CAMTA1: variants seen among roughly 807,000 people sequenced by gnomAD.
The protein encoded by CAMTA1 is calmodulin-binding transcription activator 1.
In CAMTA1, 27 loss-of-function variants were observed where a neutral mutation model predicts 170.9. The ratio of observed to expected loss-of-function variants is 0.16; its 90% CI spans 0.12 to 0.22. The LOEUF (loss-of-function observed/expected upper bound fraction) is 0.22. Among genes scored for constraint, CAMTA1 ranks in the 10% least tolerant of loss-of-function variants. The pLI is 1.00. For synonymous variants in CAMTA1, 833 were observed against 891.5 expected (o/e 0.93, Z 1.17); for missense variants, 1,619 against 2,217.2 (o/e 0.73, Z 5.42).
intron 6 of CAMTA1, among the ~76,000 whole-genome samples, chr1:7,557,995 G>A (rs972621802): frequency 2.6e-5 from 4 of 152,166 alleles, no homozygotes; most frequent in Non-Finnish European, 5.9e-5. Context: ...TGGGGCTTCC[G>A]GCTCTGGGCT....
At chr1:7,616,969 G>A (rs2095563021) in intron 6 of CAMTA1, among the ~76,000 whole-genome samples, 1 of 152,236 alleles carries the variant, frequency 6.6e-6, no homozygotes, top group Admixed American at 6.5e-5. Context: ...TCTTGCCAGT[G>A]CACAGGTGTC....
chr1:7,755,690 C>A (rs1415881837), intron 22 of CAMTA1, 22 bp downstream of exon 22: 1 of 1,611,612 alleles, frequency 6.2e-7, no homozygotes. Context: ...TGCCTGCTAG[C>A]CAGTTTCTCT....
At chr1:6,786,456 C>T (rs1485994868) in intron 1 of CAMTA1, among the ~76,000 whole-genome samples, 1 of 152,136 alleles carries the variant, frequency 6.6e-6, no homozygotes, top group African/African-American at 2.4e-5. Context: ...ATCTGCTCAT[C>T]TTCTTTGGAT....
chr1:7,672,020 C>T lies in CAMTA1; in HGVS notation c.2779+983C>T, dbSNP rs181941207. ...TCTTCTGCTCCTGGGCTGTTGCTGG[C>T]AGGACTCCCTTGGCTGCCCCATCTC... On this transcript the variant is annotated intron_variant, in intron 10 of 22. Coordinates refer to ENST00000303635, the MANE Select transcript of CAMTA1 (RefSeq NM_015215.4). The T allele has an allele frequency of 5.5e-4, 250 of 456,206 alleles. 3 individuals carry two copies. In the East Asian group the frequency reaches 9.0e-3, roughly 16 times the overall value. The allele number at this position is 456,206 out of a possible 1,614,324, so 28.3% of individuals were successfully genotyped here.
At chr1:6,904,873 G>T (rs574080114) in intron 3 of CAMTA1, among the ~76,000 whole-genome samples, 3 of 151,260 alleles carry the variant, frequency 2.0e-5, no homozygotes, top group Admixed American at 6.6e-5. Flanking sequence ...GATTACAGGC[G>T]TGAGCCGCCA....
Position 7,065,939 on chromosome 1 carries a change from C to T in CAMTA1, c.235-25365C>T, listed in dbSNP as rs895536062. On this transcript the variant is annotated intron_variant, in intron 3 of 22. Transcript: ENST00000303635. This position sits in a 1 kb window ranked among gnomAD's most constrained non-coding sequence, Gnocchi z 5.2. ...GGCTTAAACTTGACTGTGCCATTGGCGCTTGCTGGCAGCAGCTGAGCCTCA... is the reference window on the plus strand; with the variant it reads ...GGCTTAAACTTGACTGTGCCATTGGTGCTTGCTGGCAGCAGCTGAGCCTCA... Among the ~76,000 whole-genome samples the T allele has an allele frequency of 2.0e-5, 3 of 152,056 alleles. No individual in the cohort carries two copies. Among genetic ancestry groups the T allele is most frequent in the South Asian group, 4.2e-4 (2 of 4,814 alleles).
rs559833984 is a variant in CAMTA1, at chr1:7,588,576, C to T, written c.511-51824C>T. On this transcript the variant is annotated intron_variant, in intron 6 of 22. Transcript: ENST00000303635. This position sits in a 1 kb window ranked among gnomAD's most constrained non-coding sequence, Gnocchi z 5.8. ...TTGCAGACTCCAGACCTTGGACTCT[C>T]GGGTCCCATGCAGCTCCAGGCCAGG... is the stretch of plus-strand genomic sequence containing the variant. Among the ~76,000 whole-genome samples, 4 of 152,318 alleles carry T rather than the reference C, an allele frequency of 2.6e-5. No homozygotes were observed. Among genetic ancestry groups the T allele is most frequent in the South Asian group, 2.1e-4 (1 of 4,826 alleles).
chr1:7,750,174 T>A (rs2096886336), intron 19 of CAMTA1, among the ~76,000 whole-genome samples: 1 of 152,174 alleles, frequency 6.6e-6, no homozygotes, highest in Non-Finnish European at 1.5e-5. Flanking sequence ...ATTCTTGTCT[T>A]CAAAGACTTT....
At chr1:7,283,571 C>T (rs1024216936) in intron 5 of CAMTA1, among the ~76,000 whole-genome samples, 2 of 152,168 alleles carry the variant, frequency 1.3e-5, no homozygotes, top group African/African-American at 4.8e-5. Flanking sequence ...ACTCTTTGGA[C>T]TCCCCTAAGT....
intron 1 of CAMTA1, among the ~76,000 whole-genome samples, chr1:6,802,815 G>A (rs1036930774): frequency 6.6e-5 from 10 of 152,086 alleles, no homozygotes; most frequent in Middle Eastern, 3.4e-3. Context: ...GCTCACTGAA[G>A]CCTCGACAGC....
At chr1:7,431,786 A>C (rs1246579778) in intron 5 of CAMTA1, among the ~76,000 whole-genome samples, 1 of 152,082 alleles carries the variant, frequency 6.6e-6, no homozygotes, top group Non-Finnish European at 1.5e-5. Context: ...TTCCCTGCAG[A>C]TCTTTGAGAC....
chr1:7,704,032 C>T (rs1296693070), intron 11 of CAMTA1, among the ~76,000 whole-genome samples: 1 of 151,984 alleles, frequency 6.6e-6, no homozygotes, highest in African/African-American at 2.4e-5. Flanking sequence ...CCGTCCCCGC[C>T]CACCGTCCTC....
chr1:7,652,961 A>G (rs9434879), intron 7 of CAMTA1, among the ~76,000 whole-genome samples: 99,512 of 152,066 alleles, frequency 0.65, 32,814 homozygotes, highest in South Asian at 0.73. Context: ...ATAAAATGGG[A>G]TAATATATTC....
At chr1:7,141,253 G>T (rs1645872437) in intron 4 of CAMTA1, among the ~76,000 whole-genome samples, 1 of 152,142 alleles carries the variant, frequency 6.6e-6, no homozygotes, top group Non-Finnish European at 1.5e-5. Context: ...TTCCTGACTT[G>T]CCAGGTGTGA....
intron 21 of CAMTA1, among the ~76,000 whole-genome samples, chr1:7,753,231 C>T (rs981073927): frequency 2.0e-5 from 3 of 152,192 alleles, no homozygotes; most frequent in African/African-American, 7.2e-5. Context: ...TCTCTTTGTT[C>T]CTCAAATTTG....
rs2094352508 is a variant in CAMTA1, at chr1:7,520,614, C to T, written c.510+52713C>T. 2.0e-5 allele frequency among the ~76,000 whole-genome samples: 3 copies of T among 151,884 alleles called. 1 individual carries two copies. The highest frequency in any genetic ancestry group is 2.0e-4 in the Admixed American group (3 of 15,268). ...TGCCCACCTTGCTAGGGTGGCTGCC[C>T]CAGAGGGGAGCAGGGGCCCCTTCTG... On this transcript the variant is annotated intron_variant, in intron 6 of 22. Coordinates refer to ENST00000303635, the MANE Select transcript of CAMTA1 (RefSeq NM_015215.4).
chr1:7,564,142 A>T lies in CAMTA1; in HGVS notation c.511-76258A>T, dbSNP rs540492091. Among the ~76,000 whole-genome samples, 6 of 152,318 alleles carry T rather than the reference A, an allele frequency of 3.9e-5. No individual in the cohort carries two copies. In the South Asian group the frequency reaches 8.3e-4, roughly 21 times the overall value. ...GGGGCTCTCCGGATGTTCCGACCCCATGTCCCCTCCTGGGGTGCACCCCTC... is the reference window on the plus strand; with the variant it reads ...GGGGCTCTCCGGATGTTCCGACCCCTTGTCCCCTCCTGGGGTGCACCCCTC... On this transcript the variant is annotated intron_variant, in intron 6 of 22. Coordinates refer to ENST00000303635, the MANE Select transcript of CAMTA1 (RefSeq NM_015215.4).
At chr1:7,207,275 A>G (rs1456973648) in intron 4 of CAMTA1, among the ~76,000 whole-genome samples, 1 of 152,164 alleles carries the variant, frequency 6.6e-6, no homozygotes, top group Non-Finnish European at 1.5e-5. Flanking sequence ...AAGAGGAGAC[A>G]TGTTTACATT....
chr1:7,674,411 C>A lies in CAMTA1; in HGVS notation c.2780-3188C>A, dbSNP rs2096092447. Among the ~76,000 whole-genome samples the A allele has an allele frequency of 6.6e-6, 1 of 152,096 alleles. No homozygotes were observed. On this transcript the variant is annotated intron_variant, in intron 10 of 22. Transcript: ENST00000303635. This position sits in a 1 kb window ranked among gnomAD's most constrained non-coding sequence, Gnocchi z 4.1. ...CAGGCTTGGGAGAAGATAGGGGAAT[C>A]CACCAAGAAGACTCTACTGGCCAGA... is the stretch of plus-strand genomic sequence containing the variant.
Sources: allele counts gnomAD v4.1 joint callset (sites outside exome capture counted in the v4.1 genomes callset), GRCh38; gene constraint gnomAD v4.1.1; non-coding constraint Gnocchi (gnomAD v3.1); transcripts MANE v1.5; gene names NCBI Gene and HGNC (gene_info 2026-07-23, HGNC 2026-07-21).